Variants in CSMD3 observed in about 807,000 individuals in gnomAD.
CSMD3 encodes the protein CUB and sushi domain-containing protein 3.
A neutral mutation model predicts 435.2 loss-of-function variants in CSMD3; 177 were observed. The ratio of observed to expected loss-of-function variants is 0.41; its 90% confidence interval spans 0.36 to 0.46. The LOEUF (loss-of-function observed/expected upper bound fraction) is 0.46. Among genes scored for constraint, CSMD3 ranks in the 20% least tolerant of loss-of-function variants. The pLI is 0.34. For missense variants in CSMD3, 4,265 were observed against 4,504.6 expected (o/e 0.95, Z 1.52); for synonymous variants, 1,656 against 1,520.5 (o/e 1.09, Z -2.07).
At chr8:112,551,095 T>C (rs1827643007) in intron 26 of CSMD3, among the ~76,000 whole-genome samples, 1 of 152,056 alleles carries the variant, frequency 6.6e-6, no homozygotes, top group African/African-American at 2.4e-5. Context: ...CCTTTGCAAA[T>C]TGTAGAAACT....
At chr8:113,152,760 C>T (rs1230049286) in intron 4 of CSMD3, among the ~76,000 whole-genome samples, 3 of 151,952 alleles carry the variant, frequency 2.0e-5, no homozygotes, top group African/African-American at 7.2e-5. Flanking sequence ...GAGTGGATTG[C>T]TTGAGGCCAG....
At chr8:112,520,455 T>C (rs1563651074) in intron 27 of CSMD3, among the ~76,000 whole-genome samples, 1 of 151,856 alleles carries the variant, frequency 6.6e-6, no homozygotes, top group Non-Finnish European at 1.5e-5. Flanking sequence ...CACAAACCTA[T>C]CCCATTACCA....
intron 47 of CSMD3, among the ~76,000 whole-genome samples, chr8:112,315,628 A>G (rs1586746874): frequency 6.6e-6 from 1 of 152,018 alleles, no homozygotes. Flanking sequence ...TATAATGGCC[A>G]TAGTAAAATG....
chr8:113,131,150 A>G (rs1588128200), intron 4 of CSMD3, among the ~76,000 whole-genome samples: 1 of 152,288 alleles, frequency 6.6e-6, no homozygotes, highest in East Asian at 1.9e-4. Flanking sequence ...CCAACTGACC[A>G]TGTGGTAGAA....
At chr8:112,792,085 C>T (rs1453141017) in intron 13 of CSMD3, among the ~76,000 whole-genome samples, 1 of 152,046 alleles carries the variant, frequency 6.6e-6, no homozygotes, top group African/African-American at 2.4e-5. Context: ...GAATACAGGT[C>T]CTTTATTAAA....
intron 6 of CSMD3, among the ~76,000 whole-genome samples, chr8:112,981,078 T>C (rs1027863618): frequency 1.3e-5 from 2 of 151,538 alleles, no homozygotes; most frequent in African/African-American, 4.8e-5. Context: ...TATATCTACA[T>C]TGATCTTATA....
chr8:113,135,382 A>C (rs925916470), intron 4 of CSMD3, among the ~76,000 whole-genome samples: 1 of 152,032 alleles, frequency 6.6e-6, no homozygotes, highest in East Asian at 1.9e-4. Context: ...CTTTGACTCC[A>C]GTTGTTCCTT....
chr8:112,403,606 G>A (rs1392316315), intron 35 of CSMD3, among the ~76,000 whole-genome samples: 3 of 152,128 alleles, frequency 2.0e-5, no homozygotes, highest in African/African-American at 7.2e-5. Context: ...CTCACATGGT[G>A]GAAGGCTGAA....
chr8:112,903,294 A>G (rs1356736152), intron 10 of CSMD3, among the ~76,000 whole-genome samples: 1 of 151,104 alleles, frequency 6.6e-6, no homozygotes, highest in Admixed American at 6.6e-5. Context: ...CATTTGGTTG[A>G]GATTCCTGAG....
At chr8:113,399,078 CATATATATAT>C (rs764141337) in intron 1 of CSMD3, among the ~76,000 whole-genome samples, 3 of 90,868 alleles carry the variant, frequency 3.3e-5, no homozygotes, top group African/African-American at 4.8e-5. Flanking sequence ...AAGGATAGTT[CATATATATAT>C]ATATATATAT....
intron 10 of CSMD3, among the ~76,000 whole-genome samples, chr8:112,911,884 G>A (rs1426126675): frequency 8.1e-6 from 1 of 123,394 alleles, no homozygotes; most frequent in Non-Finnish European, 1.6e-5. Flanking sequence ...AACATTATGA[G>A]AAGAATATTA....
chr8:113,195,814 TACAC>T (rs1015240509), intron 3 of CSMD3, among the ~76,000 whole-genome samples: 266 of 133,432 alleles, frequency 2.0e-3, no homozygotes, highest in South Asian at 4.0e-3. Context: ...TATATATATA[TACAC>T]ACACACACAC....
chr8:112,333,432 G>A (rs948237720), intron 45 of CSMD3, among the ~76,000 whole-genome samples: 8 of 152,120 alleles, frequency 5.3e-5, no homozygotes, highest in African/African-American at 1.9e-4. Flanking sequence ...CTCCCATAGT[G>A]CTGGGATTAT....
At chr8:112,712,814 C>T (rs1252877091) in intron 13 of CSMD3, among the ~76,000 whole-genome samples, 1 of 150,536 alleles carries the variant, frequency 6.6e-6, no homozygotes, top group African/African-American at 2.5e-5. Context: ...AAAAAAAGAG[C>T]CTGAAGTTTC....
At position 113,098,847 on chromosome 8, in the gene CSMD3, C is replaced by T. The variant is rs1370900756; in HGVS notation, c.826G>A (p.Gly276Arg). ...DCTWTIVAEPGDTISLIFTDF... is the reference protein window; with the variant it reads ...DCTWTIVAEPRDTISLIFTDF... The stretch of plus-strand genomic sequence containing the variant: ...GTAAATATGAGTGAAATTGTGTCCC[C>T]AGGCTCTGCTACAATGGTCCAAGTG... The change falls in exon 5 of 71, where the codon GGG (glycine) becomes AGG (arginine). Residue 276 changes from glycine (G) to arginine (R), a missense_variant. Gly to Arg is a moderately radical substitution (Grantham distance 125). Coordinates refer to ENST00000297405, the MANE Select transcript of CSMD3 (RefSeq NM_198123.2). 2 of 1,612,486 alleles carry T rather than the reference C, an allele frequency of 1.2e-6. No individual in the cohort carries two copies. Among genetic ancestry groups the T allele is most frequent in the Non-Finnish European group, 1.7e-6 (2 of 1,178,928 alleles).
chr8:112,818,619 G>A (rs1251629759), intron 12 of CSMD3, among the ~76,000 whole-genome samples: 1 of 152,108 alleles, frequency 6.6e-6, no homozygotes, highest in Non-Finnish European at 1.5e-5. Flanking sequence ...AATTTACCAT[G>A]CCCTGTGTTT....
chr8:112,830,758 A>G (rs1470943431), intron 11 of CSMD3, among the ~76,000 whole-genome samples: 1 of 150,024 alleles, frequency 6.7e-6, no homozygotes, highest in Admixed American at 6.7e-5. Context: ...AGGAATTTAT[A>G]TCTTGGCTTT....
At chr8:112,643,609 T>C (rs1196736163) in intron 20 of CSMD3, 1 of 168,318 alleles carries the variant, frequency 5.9e-6, no homozygotes, top group Non-Finnish European at 1.5e-5. Context: ...CACTCCCTTC[T>C]ATAATATCAG....
At chr8:112,276,109 T>C (rs11783519) in intron 59 of CSMD3, among the ~76,000 whole-genome samples, 30,617 of 151,982 alleles carry the variant, frequency 0.2, 3,668 homozygotes, top group East Asian at 0.36. Context: ...ATGGGAGAAA[T>C]TGGCCAAAAT....
Sources: allele counts gnomAD v4.1 joint callset (sites outside exome capture counted in the v4.1 genomes callset), GRCh38; gene constraint gnomAD v4.1.1; transcripts MANE v1.5; gene names NCBI Gene and HGNC (gene_info 2026-07-23, HGNC 2026-07-21).